SLC35D1: variants seen among roughly 807,000 people sequenced by gnomAD.
SLC35D1 encodes solute carrier family 35 member D1, also known as nucleotide sugar transporter SLC35D1.
SLC35D1 carries 31 observed loss-of-function variants against 46.7 expected under a neutral mutation model. That is an observed-to-expected ratio of 0.66 (90% CI 0.50 to 0.90). The LOEUF (loss-of-function observed/expected upper bound fraction) is 0.90. Among genes scored for constraint, SLC35D1 ranks in the 40% least tolerant of loss-of-function variants. SLC35D1 has a pLI of 0.00. For synonymous variants in SLC35D1, 195 were observed against 164.6 expected, an observed-to-expected ratio of 1.18 and a Z score of -1.41; for missense variants, 397 against 426.2, an observed-to-expected ratio of 0.93 and a Z score of 0.60.
intron 10 of SLC35D1, among the ~76,000 whole-genome samples, chr1:67,011,259 T>C (rs1411923784): frequency 6.6e-6 from 1 of 152,216 alleles, no homozygotes; most frequent in East Asian, 1.9e-4. Flanking sequence ...TTTTGTGAGC[T>C]GATTTTTAAG....
intron 10 of SLC35D1, 112 bp from the exon 11 acceptor site, chr1:67,009,279 G>T (rs948046528): frequency 4.6e-6 from 2 of 439,236 alleles, no homozygotes; most frequent in Non-Finnish European, 8.3e-6. Context: ...ATAAACAAAA[G>T]ACAAACAATG....
chr1:67,011,725 C>A (rs2755241), intron 10 of SLC35D1, among the ~76,000 whole-genome samples: 87,945 of 151,766 alleles, frequency 0.58, 27,636 homozygotes, highest in East Asian at 0.84. Flanking sequence ...CTCAGGCAAT[C>A]CACCCACCTC....
chr1:67,053,712 G>C, intron 1 of SLC35D1, 99 bp downstream of exon 1: 1 of 1,200,632 alleles, frequency 8.3e-7, no homozygotes, highest in Middle Eastern at 3.0e-4. Flanking sequence ...ACTTTGTTCG[G>C]CTTTAACTTT....
At chr1:67,045,715 T>A (rs1426414995) in intron 7 of SLC35D1, among the ~76,000 whole-genome samples, 1 of 152,216 alleles carries the variant, frequency 6.6e-6, no homozygotes, top group South Asian at 2.1e-4. Context: ...TAGCCACATG[T>A]AGCTATTTCA....
the SLC35D1 span, chr1:66,976,454 G>A: frequency 1.4e-5 from 8 of 568,422 alleles, no homozygotes; most frequent in African/African-American, 1.6e-4. Flanking sequence ...TTTCAACATA[G>A]CTGCTACACT....
At chr1:67,037,901 C>T (rs1668156293) in intron 8 of SLC35D1, among the ~76,000 whole-genome samples, 1 of 152,088 alleles carries the variant, frequency 6.6e-6, no homozygotes, top group African/African-American at 2.4e-5. Flanking sequence ...AGGAAACTTG[C>T]TAAGGCAGAA....
chr1:67,036,580 G>GT (rs1668127442), intron 8 of SLC35D1, among the ~76,000 whole-genome samples: 1 of 151,848 alleles, frequency 6.6e-6, no homozygotes, highest in South Asian at 2.1e-4. Flanking sequence ...ACTGTCTGAC[G>GT]TAAGTATAGC....
At chr1:66,995,409 G>T (rs1206579915), downstream of SLC35D1, among the ~76,000 whole-genome samples, 1 of 112,304 alleles carries the variant, frequency 8.9e-6, no homozygotes. Context: ...ACGCAAATGA[G>T]GCCATGCTTC....
chr1:66,988,303 T>TA, the SLC35D1 span: 889 of 152,454 alleles, frequency 5.8e-3, 2 homozygotes, highest in South Asian at 0.028. Flanking sequence ...ATTCTACTGA[T>TA]ACAACTTTTT....
At chr1:67,039,000 T>C (rs947841009) in intron 8 of SLC35D1, among the ~76,000 whole-genome samples, 1 of 152,220 alleles carries the variant, frequency 6.6e-6, no homozygotes, top group East Asian at 1.9e-4. Context: ...CCTCCAACTC[T>C]TGCTTAAAGG....
chr1:67,006,246 C>T (rs1667444822), intron 11 of SLC35D1, among the ~76,000 whole-genome samples: 1 of 152,160 alleles, frequency 6.6e-6, no homozygotes, highest in Non-Finnish European at 1.5e-5. Flanking sequence ...TGATATGACT[C>T]TCCTAGAAAC....
At chr1:66,973,064 T>A in the SLC35D1 span, 1 of 793,156 alleles carries the variant, frequency 1.3e-6, no homozygotes, top group Non-Finnish European at 2.1e-6. Context: ...TATCGTAATT[T>A]GTTATATTGT....
chr1:66,982,114 T>G, the SLC35D1 span, among the ~76,000 whole-genome samples: 2 of 152,174 alleles, frequency 1.3e-5, no homozygotes, highest in African/African-American at 4.8e-5. Flanking sequence ...TAAAAAGTAA[T>G]TTTAATAAAG....
chr1:66,980,659 G>A, the SLC35D1 span, among the ~76,000 whole-genome samples: 2 of 152,062 alleles, frequency 1.3e-5, no homozygotes, highest in Non-Finnish European at 2.9e-5. Flanking sequence ...TTATGCTGAA[G>A]GAATTTTAAG....
rs754196324 is a variant in SLC35D1 at position 67,052,936 on chromosome 1, T to C, written c.237+20A>G. The C allele has an allele frequency of 9.3e-6, 15 of 1,613,906 alleles. No individual in the cohort carries two copies. In the South Asian group the frequency reaches 1.4e-4, roughly 15 times the overall value. On this transcript the variant is annotated intron_variant, in intron 2 of 11. Transcript: ENST00000235345. ...AGTTCTAACAACATAAACCACGTAA[T>C]GGTGAGGATTCCAACTAACCTGGCC...
chr1:66,978,919 CTG>C, the SLC35D1 span, among the ~76,000 whole-genome samples: 2 of 152,176 alleles, frequency 1.3e-5, no homozygotes, highest in African/African-American at 4.8e-5. Context: ...ATACTTTTAT[CTG>C]TAACTTTAAT....
chr1:67,039,575 A>T, intron 8 of SLC35D1, among the ~76,000 whole-genome samples: 1 of 151,884 alleles, frequency 6.6e-6, no homozygotes, highest in East Asian at 1.9e-4. Flanking sequence ...AAGGTAGGAT[A>T]TCATATGCAC....
rs1645263750 is a variant in SLC35D1 at position 67,047,371 on chromosome 1, C to G, written c.534-4G>C. On this transcript the variant is annotated splice_region_variant and splice_polypyrimidine_tract_variant and intron_variant, in intron 6 of 11. Transcript: ENST00000235345. ...CAGATCAAATGCCAAGTCAGAGCTG[C>G]AAAACATAAGCAACACTTTAAGAAC... The G allele has an allele frequency of 6.2e-7, 1 of 1,610,328 alleles. No individual in the cohort carries two copies. Among genetic ancestry groups the G allele is most frequent in the African/African-American group, 1.3e-5 (1 of 74,878 alleles).
At chr1:66,975,162 C>T in the SLC35D1 span, among the ~76,000 whole-genome samples, 2 of 152,128 alleles carry the variant, frequency 1.3e-5, no homozygotes, top group African/African-American at 4.8e-5. Flanking sequence ...ATATTTACTT[C>T]AAGAGCAGAA....
Sources: allele counts gnomAD v4.1 joint callset (sites outside exome capture counted in the v4.1 genomes callset), GRCh38; gene constraint gnomAD v4.1.1; transcripts MANE v1.5; gene names NCBI Gene and HGNC (gene_info 2026-07-23, HGNC 2026-07-21).